The following PIR variants were observed in gnomAD, a reference collection of about 807,000 sequenced individuals.
The protein encoded by PIR is pirin (iron-binding nuclear protein).
In PIR, 22 loss-of-function variants were observed where a neutral mutation model predicts 24.2. The observed-to-expected ratio is 0.91, with a 90% CI of 0.65 to 1.30. The LOEUF (loss-of-function observed/expected upper bound fraction) is 1.30, where lower values mean the gene tolerates loss of function less well. Among genes scored for constraint, PIR ranks in the 50% most tolerant of loss-of-function variants. The probability of loss-of-function intolerance (pLI) is 0.00; values close to 1 mark genes in which losing one functional copy is unlikely to be tolerated. For missense variants in PIR, 220 were observed against 220.3 expected (o/e 1.00, Z 0.01); for synonymous variants, 80 against 79.6 (o/e 1.00, Z -0.03).
intron 8 of PIR, among the ~76,000 whole-genome samples, chrX:15,395,621 CAAAG>C (rs1233580348): frequency 2.1e-4 from 23 of 111,933 alleles, no homozygotes; most frequent in Non-Finnish European, 3.8e-4. Context: ...ATTTTGCAGA[CAAAG>C]AAACTGAAGC....
chrX:15,446,261 A>G (rs1221803493), intron 5 of PIR, among the ~76,000 whole-genome samples: 7 of 112,124 alleles, frequency 6.2e-5, no homozygotes, highest in African/African-American at 2.3e-4. Context: ...ACTTTAGAAA[A>G]TGAACGTGTG....
At chrX:15,444,776 CAA>C (rs1926033265) in intron 5 of PIR, among the ~76,000 whole-genome samples, 1 of 111,340 alleles carries the variant, frequency 9.0e-6, no homozygotes, top group Non-Finnish European at 1.9e-5. Context: ...TAGAGACACT[CAA>C]AGTCTCCCAA....
intron 4 of PIR, among the ~76,000 whole-genome samples, chrX:15,457,283 G>C (rs1377487481): frequency 9.0e-6 from 1 of 111,254 alleles, no homozygotes; most frequent in Non-Finnish European, 1.9e-5. Context: ...TGGTCAGTGA[G>C]GGCTGGAGAA....
rs777280923 is a variant in PIR at position 15,429,872 on chromosome X, A to G, written c.481-3882T>C. 4.5e-5 allele frequency: 5 copies of G among 110,298 alleles called. No individual in the cohort carries two copies. The South Asian group carries it at 2.0e-3, about 44-fold the overall frequency. The allele number at this position is 110,298 out of a possible 1,213,427, so 9.1% of individuals were successfully genotyped here. On this transcript the variant is annotated intron_variant, in intron 5 of 9. Transcript: ENST00000380420. ...CTCTGTCTCAAGGGAAAAAAAAAAA[A>G]GGTGATGATGTCAGCCTCAAATGTA...
chrX:15,467,921 A>C (rs1282343009), intron 3 of PIR, among the ~76,000 whole-genome samples: 17 of 111,856 alleles, frequency 1.5e-4, no homozygotes, highest in African/African-American at 5.5e-4. Context: ...CAGATCAGGA[A>C]TAAATGTTTT....
chrX:15,400,769 T>C, intron 7 of PIR, among the ~76,000 whole-genome samples: 1 of 110,505 alleles, frequency 9.0e-6, no homozygotes. Context: ...ATTTTTGAGA[T>C]GGAGTCTCTC....
At chrX:15,426,065 T>C in intron 5 of PIR, 75 bp from the exon 6 acceptor site, 1 of 643,130 alleles carries the variant, frequency 1.6e-6, no homozygotes. Flanking sequence ...GGCCCTTCTG[T>C]AATAGGCCTG....
At chrX:15,478,021 C>T (rs985620977) in intron 3 of PIR, among the ~76,000 whole-genome samples, 2 of 83,494 alleles carry the variant, frequency 2.4e-5, no homozygotes, top group African/African-American at 9.0e-5. Flanking sequence ...TATTCCCCCC[C>T]CCCCAGAAAG....
chrX:15,406,732 G>C (rs752188002), intron 7 of PIR, among the ~76,000 whole-genome samples: 67 of 111,574 alleles, frequency 6.0e-4, no homozygotes, highest in Non-Finnish European at 9.2e-4. Flanking sequence ...ATGGGAAGGG[G>C]AGGAGGAGAC....
chrX:15,434,458 C>CAGGGAGAGGGAG lies in PIR; in HGVS notation c.481-8480_481-8469dup, dbSNP rs1002815093. Among the ~76,000 whole-genome samples, 43 of 109,397 alleles carry CAGGGAGAGGGAG rather than the reference C, an allele frequency of 3.9e-4. No homozygotes were observed. The Admixed American group carries it at 4.0e-3, about 10-fold the overall frequency. 95.0% of individuals were successfully genotyped at this position (109,397 alleles called of 115,157 possible). A position where few individuals can be genotyped will look rare whatever the true frequency, so the allele number is the denominator to read the frequency against. ...GGAAGAAGGAGAAGGAGAAGAAAGA[C>CAGGGAGAGGGAG]AGGGAGAGGGAGAGGGAGAGGGAGA... is the stretch of plus-strand genomic sequence containing the variant. On this transcript the variant is annotated intron_variant, in intron 5 of 9. Transcript: ENST00000380420.
chrX:15,429,757 G>C (rs1469497541), intron 5 of PIR: 3 of 110,328 alleles, frequency 2.7e-5, no homozygotes, highest in African/African-American at 9.9e-5. Context: ...TCGGGAGGCT[G>C]AGGCGGTAGA....
intron 2 of PIR, among the ~76,000 whole-genome samples, chrX:15,483,835 C>T (rs1056247955): frequency 3.6e-5 from 4 of 112,539 alleles, no homozygotes; most frequent in Non-Finnish European, 7.5e-5. Context: ...TATTATACTG[C>T]ACCAGTCCTA....
chrX:15,458,711 C>T (rs1234015129), intron 4 of PIR, among the ~76,000 whole-genome samples: 3 of 112,694 alleles, frequency 2.7e-5, no homozygotes, highest in African/African-American at 9.7e-5. Context: ...CTGAAAGACA[C>T]TATGCAATCA....
intron 5 of PIR, among the ~76,000 whole-genome samples, chrX:15,450,930 G>A (rs374539638): frequency 1.3e-4 from 15 of 111,572 alleles, no homozygotes; most frequent in African/African-American, 4.9e-4. Flanking sequence ...TCTAGTTCTG[G>A]TACAGGAAAA....
In PIR at chrX:15,390,193, A is replaced by G; in HGVS notation, c.752T>C (p.Ile251Thr). The change falls in exon 9 of 10, where the codon ATC (isoleucine) becomes ACC (threonine). Residue 251 changes from isoleucine (I) to threonine (T), a missense_variant. Ile to Thr is a moderately conservative substitution (Grantham distance 89). Transcript: ENST00000380420. ...IAGEPLREPV[I>T]QHGPFVMNTN... ...TGTCATTTTGGTCTTACCATGTTGG[A>G]TAACTGGTTCTCTTAATGGCTCCCC... The G allele has an allele frequency of 6.2e-6, 7 of 1,128,602 alleles. No individual in the cohort carries two copies. Among genetic ancestry groups the G allele is most frequent in the Non-Finnish European group, 8.4e-6 (7 of 833,492 alleles). The allele number at this position is 1,128,602 out of a possible 1,213,427, so 93.0% of individuals were successfully genotyped here.
rs1161646564 is a variant in PIR at position 15,455,893 on chromosome X, A to G, written c.435T>C (p.Asp145=). 3.3e-6 allele frequency: 4 copies of G among 1,210,728 alleles called. No individual in the cohort carries two copies. Among genetic ancestry groups the G allele is most frequent in the Non-Finnish European group, 4.5e-6 (4 of 894,576 alleles). Residue 145 remains aspartate (D), a synonymous_variant, in exon 5 of 10, where the codon GAT becomes GAC. Transcript: ENST00000380420. ...KSEEIPKPSK[D]GVTVAVISGE... ...CAGAAATGACAGCAACTGTCACACC[A>G]TCCTTACTGGGTTTAGGGATTTCTT...
At chrX:15,440,382 C>T (rs972781645) in intron 5 of PIR, among the ~76,000 whole-genome samples, 1 of 111,250 alleles carries the variant, frequency 9.0e-6, no homozygotes, top group Admixed American at 9.6e-5. Flanking sequence ...TATTCATTCT[C>T]TCAGTGGTGA....
chrX:15,487,545 T>C (rs1270517204), intron 2 of PIR, among the ~76,000 whole-genome samples: 1 of 112,208 alleles, frequency 8.9e-6, no homozygotes, highest in Non-Finnish European at 1.9e-5. Flanking sequence ...ATGATTGAAA[T>C]TCTTCATTAA....
chrX:15,429,131 G>A (rs1284960066), intron 5 of PIR, among the ~76,000 whole-genome samples: 1 of 111,102 alleles, frequency 9.0e-6, no homozygotes, highest in East Asian at 2.8e-4. Context: ...CTCCTGGCTG[G>A]CTCTTTTTCC....
Sources: allele counts gnomAD v4.1 joint callset (sites outside exome capture counted in the v4.1 genomes callset), GRCh38; gene constraint gnomAD v4.1.1; transcripts MANE v1.5; gene names NCBI Gene and HGNC (gene_info 2026-07-23, HGNC 2026-07-21).